Variants in PPP2R3B observed in about 807,000 individuals in gnomAD.
PPP2R3B encodes the protein serine/threonine-protein phosphatase 2A regulatory subunit B'' subunit beta.
PPP2R3B carries 68 observed loss-of-function variants against 72.9 expected under a neutral mutation model. The observed-to-expected ratio is 0.93, with a 90% CI of 0.77 to 1.14. The LOEUF (loss-of-function observed/expected upper bound fraction) is 1.14, where lower values mean the gene tolerates loss of function less well. Ranked by LOEUF, PPP2R3B falls within the 50% of genes most tolerant of loss-of-function variation. The pLI, the probability that PPP2R3B is intolerant of heterozygous loss-of-function variation, is 0.00. For missense variants in PPP2R3B, 1,018 were observed against 842.0 expected (o/e 1.21, Z -2.59); for synonymous variants, 466 against 375.8 (o/e 1.24, Z -2.78).
At chrX:374,523 G>A (rs1231717537) in intron 1 of PPP2R3B, among the ~76,000 whole-genome samples, 1 of 152,210 alleles carries the variant, frequency 6.6e-6, no homozygotes, top group Non-Finnish European at 1.5e-5. Context: ...AAAGAGGGGC[G>A]GTGGAAAAGG....
rs2071491190 is a variant in PPP2R3B at position 358,985 on chromosome X, G to GGCC, written c.510+2417_510+2419dup. 5.3e-5 allele frequency among the ~76,000 whole-genome samples: 8 copies of GGCC among 151,702 alleles called. No homozygotes were observed. The South Asian group carries it at 1.7e-3, about 32-fold the overall frequency. ...CGGCGCCCTGGCGGGGAAGCACCGC[G>GGCC]GCCGGGGAGGGGCATCGTGGCGGGG... is the stretch of plus-strand genomic sequence containing the variant. On this transcript the variant is annotated intron_variant, in intron 2 of 12. Coordinates refer to ENST00000390665, the MANE Select transcript of PPP2R3B (RefSeq NM_013239.5).
chrX:365,382 C>A (rs1313070700), intron 1 of PPP2R3B, among the ~76,000 whole-genome samples: 2 of 30,112 alleles, frequency 6.6e-5, no homozygotes, highest in East Asian at 1.2e-3. Context: ...TGTCTCAAAA[C>A]AAAACAAACG....
intron 2 of PPP2R3B, among the ~76,000 whole-genome samples, chrX:349,227 T>C (rs1216248552): frequency 6.6e-6 from 1 of 151,738 alleles, no homozygotes; most frequent in Non-Finnish European, 1.5e-5. Context: ...CCCAGAGAGC[T>C]CCCTCACCCC....
chrX:359,458 G>C (rs1175142105), intron 2 of PPP2R3B, among the ~76,000 whole-genome samples: 1 of 152,154 alleles, frequency 6.6e-6, no homozygotes, highest in African/African-American at 2.4e-5. Context: ...TAATGCTTCT[G>C]GTGTTTTAAG....
chrX:341,528 CCTCCTCCTGCCT>C (rs981413546), intron 8 of PPP2R3B, 132 bp from the exon 9 acceptor site: 2 of 832,676 alleles, frequency 2.4e-6, no homozygotes, highest in African/African-American at 1.8e-5. Flanking sequence ...CCCTCCTGCC[CCTCCTCCTGCCT>C]CTCCGGGGAG....
chrX:342,167 C>T (rs1332030366), intron 7 of PPP2R3B: 4 of 610,766 alleles, frequency 6.5e-6, no homozygotes, highest in Non-Finnish European at 1.2e-5. Context: ...CTGACCGCGG[C>T]TCCAAGACCG....
rs764876292 is a variant in PPP2R3B, at chrX:372,432, C to T, written c.325-10842G>A. 1.1e-4 allele frequency among the ~76,000 whole-genome samples: 17 copies of T among 152,284 alleles called. No homozygotes were observed. The South Asian group carries it at 2.5e-3, about 22-fold the overall frequency. ...GACTCCTGGAACTGAGTTTGAAAAG[C>T]GCGTCTGATGTGCCACGTGGGTGTG... On this transcript the variant is annotated intron_variant, in intron 1 of 12. Transcript: ENST00000390665.
chrX:383,664 C>T (rs1312520934), intron 1 of PPP2R3B, among the ~76,000 whole-genome samples: 1 of 151,394 alleles, frequency 6.6e-6, no homozygotes, highest in Admixed American at 6.6e-5. Context: ...GGTGAAACCC[C>T]GTCTCTACTA....
intron 1 of PPP2R3B, among the ~76,000 whole-genome samples, chrX:379,390 CTA>C (rs1484413086): frequency 6.8e-6 from 1 of 147,734 alleles, no homozygotes; most frequent in Admixed American, 6.8e-5. Flanking sequence ...GTGTATGCAC[CTA>C]TGTGTGTATG....
At position 379,437 on chromosome X, in the gene PPP2R3B, T is replaced by C. The variant is rs190594748; in HGVS notation, c.324+6931A>G. Among the ~76,000 whole-genome samples, 983 of 152,126 alleles carry C rather than the reference T, an allele frequency of 6.5e-3. 7 individuals are homozygous for C. Among genetic ancestry groups the C allele is most frequent in the Middle Eastern group, 0.027 (8 of 294 alleles). ...GTGTATGCACCTGTGTTTGTGCATA[T>C]GCACCTGTGTGTGTGTATGCACCTG... On this transcript the variant is annotated intron_variant, in intron 1 of 12. Transcript: ENST00000390665.
chrX:363,495 ACAATGCATCTCCCCGAGCCCGCGATCCCG>A (rs2071597908), intron 1 of PPP2R3B, among the ~76,000 whole-genome samples: 1 of 137,434 alleles, frequency 7.3e-6, no homozygotes, highest in Admixed American at 7.2e-5. Flanking sequence ...CCAGCATCCC[ACAATGCATCTCCCCGAGCCCGCGATCCCG>A]CAGTGCATCT....
chrX:338,996 G>A (rs1359842745), intron 10 of PPP2R3B, 100 bp from the exon 11 acceptor site: 29 of 950,628 alleles, frequency 3.1e-5, no homozygotes, highest in South Asian at 1.7e-4. Context: ...TTAAGGACGC[G>A]GCACGAAGCT....
chrX:374,276 C>T (rs2071941592), intron 1 of PPP2R3B, among the ~76,000 whole-genome samples: 1 of 152,192 alleles, frequency 6.6e-6, no homozygotes, highest in Non-Finnish European at 1.5e-5. Context: ...GTGCCGACTC[C>T]GGCTTGCCCC....
intron 4 of PPP2R3B, 142 bp from the exon 5 acceptor site, chrX:346,917 C>A: frequency 5.0e-6 from 4 of 807,686 alleles, no homozygotes; most frequent in Non-Finnish European, 4.0e-6. Flanking sequence ...AGGGATGAGG[C>A]GTATGGTGTA....
rs377300621 is a variant in PPP2R3B at position 347,312 on chromosome X, G to A, written c.639C>T (p.Asp213=). ...TGAGCAGATGGACGAACTTGGCCGC[G>A]TCGTCGTGGCAGTTCTGGAGGATTC... ...WRKILQNCHD[D]AAKFVHLLMS... is the part of the protein sequence containing the mutation. Residue 213 remains aspartate, a synonymous_variant, in exon 4 of 13, where the codon GAC becomes GAT. Transcript: ENST00000390665. The A allele has an allele frequency of 1.1e-5, 17 of 1,613,784 alleles. No homozygotes were observed. Among genetic ancestry groups the A allele is most frequent in the South Asian group, 2.2e-5 (2 of 91,072 alleles).
intron 2 of PPP2R3B, among the ~76,000 whole-genome samples, chrX:353,629 G>A (rs73613884): frequency 0.056 from 8,599 of 152,362 alleles, 840 homozygotes; most frequent in African/African-American, 0.2. Context: ...CACAAGAAAA[G>A]GAGACCGCAG....
intron 2 of PPP2R3B, among the ~76,000 whole-genome samples, chrX:357,501 G>A (rs1355333327): frequency 6.6e-6 from 1 of 152,168 alleles, no homozygotes; most frequent in African/African-American, 2.4e-5. Flanking sequence ...AGAGATATAC[G>A]TTAGTGTGTA....
At chrX:370,439 G>A (rs967053271) in intron 1 of PPP2R3B, among the ~76,000 whole-genome samples, 72 of 152,280 alleles carry the variant, frequency 4.7e-4, no homozygotes, top group African/African-American at 1.7e-3. Context: ...TCTCCACAGA[G>A]CTCGGAAGGC....
chrX:345,105 GCTCCAC>G, intron 7 of PPP2R3B: 1 of 475,048 alleles, frequency 2.1e-6, no homozygotes, highest in South Asian at 1.6e-5. Flanking sequence ...TAAGCCTGGG[GCTCCAC>G]CTAGCCCGGG....
Sources: allele counts gnomAD v4.1 joint callset (sites outside exome capture counted in the v4.1 genomes callset), GRCh38; gene constraint gnomAD v4.1.1; transcripts MANE v1.5; gene names NCBI Gene and HGNC (gene_info 2026-07-23, HGNC 2026-07-21).